The following NTN4 variants were observed in gnomAD, a reference collection of about 807,000 sequenced individuals.
NTN4 encodes the protein netrin-4.
NTN4 carries 32 observed loss-of-function variants against 73.6 expected under a neutral mutation model. The observed-to-expected ratio is 0.44, with a 90% CI of 0.33 to 0.58. NTN4 has a LOEUF of 0.58. Among genes scored for constraint, NTN4 ranks in the 20% least tolerant of loss-of-function variants. The pLI, the probability that NTN4 is intolerant of heterozygous loss-of-function variation, is 0.04. For synonymous variants in NTN4, 258 were observed against 287.5 expected (o/e 0.90, Z 1.04); for missense variants, 654 against 798.3 (o/e 0.82, Z 2.18).
chr12:95,760,657 A>G (rs924386410), intron 2 of NTN4, among the ~76,000 whole-genome samples: 55 of 149,620 alleles, frequency 3.7e-4, no homozygotes, highest in Non-Finnish European at 1.6e-4. Context: ...CCTGTTGCCA[A>G]TGTCTGAAAA....
At position 95,781,998 on chromosome 12, in the gene NTN4, G is replaced by A. The variant is rs2121297697; in HGVS notation, c.585+4941C>T. ...AGCTTGAAAATTATTTGAATAAATG[G>A]GTGAATAAACATCATTTAAGATCCT... On this transcript the variant is annotated intron_variant, in intron 2 of 9. Coordinates refer to ENST00000343702, the MANE Select transcript of NTN4 (RefSeq NM_021229.4). This position sits in a 1 kb window ranked among gnomAD's most constrained non-coding sequence, Gnocchi z 4.1. Among the ~76,000 whole-genome samples the A allele has an allele frequency of 6.6e-6, 1 of 152,218 alleles. No homozygotes were observed. Among genetic ancestry groups the A allele is most frequent in the Admixed American group, 6.5e-5 (1 of 15,288 alleles).
chr12:95,713,119 C>T, intron 4 of NTN4, 93 bp downstream of exon 4: 1 of 1,463,670 alleles, frequency 6.8e-7, no homozygotes, highest in East Asian at 2.3e-5. Context: ...TGTCACCCAC[C>T]ACTTTGTGTT....
intron 7 of NTN4, among the ~76,000 whole-genome samples, chr12:95,680,653 A>T (rs921920951): frequency 6.6e-6 from 1 of 152,244 alleles, no homozygotes; most frequent in Non-Finnish European, 1.5e-5. Context: ...TTTTATATGA[A>T]TTTTTTTGAG....
intron 3 of NTN4, among the ~76,000 whole-genome samples, chr12:95,726,848 T>C (rs1443512002): frequency 6.6e-6 from 1 of 152,072 alleles, no homozygotes; most frequent in African/African-American, 2.4e-5. Flanking sequence ...TAGATGCCTA[T>C]AATCCCAGCT....
chr12:95,683,424 T>C, intron 6 of NTN4, 74 bp downstream of exon 6: 1 of 1,397,486 alleles, frequency 7.2e-7, no homozygotes, highest in Non-Finnish European at 1.0e-6. Flanking sequence ...GAATGCAAGA[T>C]TTTCCAAATC....
chr12:95,683,277 G>T (rs1181518492), intron 6 of NTN4, among the ~76,000 whole-genome samples: 3 of 152,130 alleles, frequency 2.0e-5, no homozygotes, highest in Non-Finnish European at 4.4e-5. Context: ...GGCCAGGCTG[G>T]CCTCGAACTC....
At chr12:95,703,433 TAAC>T (rs2078501223) in intron 5 of NTN4, among the ~76,000 whole-genome samples, 2 of 152,156 alleles carry the variant, frequency 1.3e-5, no homozygotes, top group Admixed American at 1.3e-4. Context: ...ATGGCCAGTA[TAAC>T]AACATTTTCC....
At chr12:95,738,905 G>C (rs1170897441) in intron 2 of NTN4, among the ~76,000 whole-genome samples, 2 of 152,134 alleles carry the variant, frequency 1.3e-5, no homozygotes, top group African/African-American at 4.8e-5. Context: ...TATAAACAGA[G>C]ATTGGATCGT....
chr12:95,777,346 A>G (rs2079101083), intron 2 of NTN4, among the ~76,000 whole-genome samples: 2 of 152,236 alleles, frequency 1.3e-5, no homozygotes, highest in African/African-American at 4.8e-5. Context: ...TAAATGCTCC[A>G]ATTAAAAGGC....
chr12:95,685,121 C>T (rs1393153128), intron 5 of NTN4, among the ~76,000 whole-genome samples: 1 of 152,172 alleles, frequency 6.6e-6, no homozygotes, highest in Non-Finnish European at 1.5e-5. Flanking sequence ...CCACCTCGAC[C>T]TCCCAAAGTG....
At position 95,750,139 on chromosome 12, in the gene NTN4, C is replaced by A. The variant is rs1404345983; in HGVS notation, c.586-11995G>T. ...CACGCCCCTACCTCTTATCTCTGCG[C>A]CCCAATCCCTTATTTCTGTGCCCCG... On this transcript the variant is annotated intron_variant, in intron 2 of 9. Transcript: ENST00000343702. Among the ~76,000 whole-genome samples, 4 of 151,914 alleles carry A rather than the reference C, an allele frequency of 2.6e-5. No individual in the cohort carries two copies. The South Asian group carries it at 8.3e-4, about 32-fold the overall frequency.
At chr12:95,679,973 A>C (rs2078303210) in intron 7 of NTN4, among the ~76,000 whole-genome samples, 1 of 152,134 alleles carries the variant, frequency 6.6e-6, no homozygotes, top group Admixed American at 6.5e-5. Context: ...TGCCACCTGT[A>C]TAGCTAGCCT....
At chr12:95,703,420 G>C (rs2078501085) in intron 5 of NTN4, among the ~76,000 whole-genome samples, 1 of 152,114 alleles carries the variant, frequency 6.6e-6, no homozygotes, top group South Asian at 2.1e-4. Flanking sequence ...TCTTCATATA[G>C]ATATGGCCAG....
chr12:95,723,213 G>A (rs994573971), intron 3 of NTN4, among the ~76,000 whole-genome samples: 4 of 151,576 alleles, frequency 2.6e-5, no homozygotes, highest in African/African-American at 9.7e-5. Flanking sequence ...AGCATCTTTT[G>A]GGAAACCTTA....
intron 3 of NTN4, among the ~76,000 whole-genome samples, chr12:95,726,195 C>T (rs1411915457): frequency 1.3e-5 from 2 of 152,048 alleles, no homozygotes; most frequent in African/African-American, 4.8e-5. Context: ...AAATGTTGTA[C>T]AGTCATTACC....
chr12:95,732,396 CTTTTT>C (rs35575824), intron 3 of NTN4, among the ~76,000 whole-genome samples: 11 of 112,854 alleles, frequency 9.7e-5, no homozygotes, highest in African/African-American at 2.5e-4. Context: ...CTTTCTTCCT[CTTTTT>C]TTTTTTTTTT....
intron 7 of NTN4, chr12:95,670,984 GTATGTATA>G (rs1445012536): frequency 6.6e-6 from 1 of 150,716 alleles, no homozygotes; most frequent in African/African-American, 2.5e-5. Context: ...ATGTATGTAT[GTATGTATA>G]TATTTATTTA....
chr12:95,760,625 C>T (rs1193262246), intron 2 of NTN4, among the ~76,000 whole-genome samples: 26 of 151,194 alleles, frequency 1.7e-4, no homozygotes, highest in African/African-American at 2.4e-5. Flanking sequence ...TTTCTTCTTT[C>T]TCAGAGCACG....
chr12:95,770,928 A>C (rs17288982), intron 2 of NTN4, among the ~76,000 whole-genome samples: 18,344 of 151,606 alleles, frequency 0.12, 1,514 homozygotes, highest in Non-Finnish European at 0.18. Flanking sequence ...ATGACATAGA[A>C]AGAAGGGTGT....
Sources: allele counts gnomAD v4.1 joint callset (sites outside exome capture counted in the v4.1 genomes callset), GRCh38; gene constraint gnomAD v4.1.1; non-coding constraint Gnocchi (gnomAD v3.1); transcripts MANE v1.5; gene names NCBI Gene and HGNC (gene_info 2026-07-23, HGNC 2026-07-21).